The following ARHGEF12 variants were observed in gnomAD, a reference collection of about 807,000 sequenced individuals.
ARHGEF12 encodes the protein Rho guanine nucleotide exchange factor 12, also known as KMT2A/ARHGEF12 fusion protein.
Under a neutral mutation model 211.2 loss-of-function variants are expected in ARHGEF12, and 66 were observed. The ratio of observed to expected loss-of-function variants is 0.31; its 90% CI spans 0.26 to 0.38. ARHGEF12 has a LOEUF of 0.38. ARHGEF12 is among the 10% of genes least tolerant of loss of function. ARHGEF12 has a pLI of 1.00. For missense variants in ARHGEF12, 1,429 were observed against 1,869.5 expected (o/e 0.76, Z 4.34); for synonymous variants, 592 against 638.4 (o/e 0.93, Z 1.09).
chr11:120,340,222 C>A (rs1226627421), intron 1 of ARHGEF12, among the ~76,000 whole-genome samples: 1 of 152,128 alleles, frequency 6.6e-6, no homozygotes, highest in Non-Finnish European at 1.5e-5. Flanking sequence ...ATTTAGGGGT[C>A]CTATAGCAAT....
At chr11:120,345,394 G>A (rs556714610) in intron 1 of ARHGEF12, among the ~76,000 whole-genome samples, 44 of 152,232 alleles carry the variant, frequency 2.9e-4, no homozygotes, top group African/African-American at 1.0e-3. Context: ...ACCTGAAAGT[G>A]AGCAAACTGA....
intron 22 of ARHGEF12, among the ~76,000 whole-genome samples, chr11:120,453,063 CA>C (rs1271435084): frequency 2.0e-5 from 3 of 151,022 alleles, no homozygotes; most frequent in Non-Finnish European, 4.4e-5. Context: ...TATTGAGGAA[CA>C]AGAAGGCCAT....
At chr11:120,379,118 A>C (rs986832099) in intron 1 of ARHGEF12, among the ~76,000 whole-genome samples, 2 of 152,130 alleles carry the variant, frequency 1.3e-5, no homozygotes, top group Admixed American at 1.3e-4. Context: ...AGTCTTCTTT[A>C]ATTTCTCTAT....
intron 36 of ARHGEF12, chr11:120,477,748 C>T: frequency 2.3e-6 from 1 of 437,576 alleles, no homozygotes; most frequent in East Asian, 3.7e-5. Context: ...TGCCTGTAAT[C>T]CCAGCTACTT....
intron 1 of ARHGEF12, among the ~76,000 whole-genome samples, chr11:120,351,364 AGG>A (rs1353364457): frequency 1.6e-5 from 2 of 122,088 alleles, no homozygotes; most frequent in Non-Finnish European, 3.5e-5. Flanking sequence ...AAAAAAAAAA[AGG>A]TGAAATTTAG....
chr11:120,429,348 G>T (rs928511449), intron 8 of ARHGEF12, 92 bp from the exon 9 acceptor site: 3 of 1,036,740 alleles, frequency 2.9e-6, no homozygotes, highest in Non-Finnish European at 4.3e-6. Flanking sequence ...TGGAGCCGAG[G>T]CAGAACTTTG....
chr11:120,421,902 A>G lies in ARHGEF12; in HGVS notation c.348+50A>G, dbSNP rs769413993. On this transcript the variant is annotated intron_variant, in intron 6 of 40. Transcript: ENST00000397843. ...TTACGGTAGGATTAAAAAACAACAT[A>G]TATTGGTCATATTCTGATTTTTTTC... The G allele has an allele frequency of 1.2e-5, 16 of 1,381,506 alleles. No homozygotes were observed. In the African/African-American group the frequency reaches 1.7e-4, roughly 15 times the overall value. 85.6% of individuals were successfully genotyped at this position (1,381,506 alleles called of 1,614,324 possible).
intron 1 of ARHGEF12, among the ~76,000 whole-genome samples, chr11:120,392,929 G>C (rs961471389): frequency 1.6e-4 from 25 of 152,314 alleles, no homozygotes; most frequent in African/African-American, 6.0e-4. Flanking sequence ...GCCCATCACT[G>C]TTGCTACAGA....
chr11:120,484,720 C>CA (rs1947353721), intron 40 of ARHGEF12, among the ~76,000 whole-genome samples: 1 of 152,210 alleles, frequency 6.6e-6, no homozygotes, highest in African/African-American at 2.4e-5. Context: ...GTTCCCATAC[C>CA]ATCCCCTCTT....
In ARHGEF12 at chr11:120,337,002, T is replaced by A. The variant is rs896305556; in HGVS notation, c.-242T>A. 7.5e-6 allele frequency: 4 copies of A among 530,554 alleles called. No individual in the cohort carries two copies. In the African/African-American group the frequency reaches 7.8e-5, roughly 10 times the overall value. 32.9% of individuals were successfully genotyped at this position (530,554 alleles called of 1,614,324 possible). A position where few individuals can be genotyped will look rare whatever the true frequency, so the allele number is the denominator to read the frequency against. ...CTGGAGGATTTCTCTCTAGCTCGAC[T>A]CACTCTGGACTGACTCGCTCCCTGG... On this transcript the variant is annotated 5_prime_UTR_variant, in exon 1 of 41. Transcript: ENST00000397843.
At chr11:120,476,270 C>CTAAAA (rs1947026427) in intron 33 of ARHGEF12, 1 of 157,048 alleles carries the variant, frequency 6.4e-6, no homozygotes, top group African/African-American at 2.4e-5. Flanking sequence ...CAGGGTTTCG[C>CTAAAA]CATGCTGCCC....
intron 10 of ARHGEF12, among the ~76,000 whole-genome samples, chr11:120,430,157 A>G (rs1945482395): frequency 6.6e-6 from 1 of 152,004 alleles, no homozygotes; most frequent in South Asian, 2.1e-4. Context: ...CTGCCATCTT[A>G]AAACAGAATG....
At chr11:120,426,330 C>G (rs1945345819) in intron 7 of ARHGEF12, among the ~76,000 whole-genome samples, 1 of 152,078 alleles carries the variant, frequency 6.6e-6, no homozygotes, top group African/African-American at 2.4e-5. Context: ...GGGATTCTAG[C>G]AATAAATTAC....
At chr11:120,479,854 T>TA in intron 37 of ARHGEF12, 106 bp from the exon 38 acceptor site, 1 of 868,344 alleles carries the variant, frequency 1.2e-6, no homozygotes. Flanking sequence ...CATTAAAAGA[T>TA]ACTTTTTAAA....
chr11:120,387,645 A>G (rs1233642833), intron 1 of ARHGEF12, among the ~76,000 whole-genome samples: 1 of 152,130 alleles, frequency 6.6e-6, no homozygotes, highest in Non-Finnish European at 1.5e-5. Context: ...CCCATACAAA[A>G]TTATTGGTAG....
intron 1 of ARHGEF12, among the ~76,000 whole-genome samples, chr11:120,405,448 C>T (rs527677567): frequency 6.6e-6 from 1 of 152,080 alleles, no homozygotes; most frequent in Non-Finnish European, 1.5e-5. Flanking sequence ...TAGGACCCCC[C>T]CAGAAAAACA....
intron 1 of ARHGEF12, among the ~76,000 whole-genome samples, chr11:120,392,313 A>G (rs11217853): frequency 0.16 from 24,142 of 152,180 alleles, 2,613 homozygotes; most frequent in Non-Finnish European, 0.23. Flanking sequence ...TGAATAAACT[A>G]AATTAATGTA....
chr11:120,410,459 C>T (rs1944849235), intron 4 of ARHGEF12: 1 of 151,876 alleles, frequency 6.6e-6, no homozygotes, highest in Non-Finnish European at 1.5e-5. Flanking sequence ...TTAATAGAGC[C>T]ACAAATCTAT....
At position 120,447,808 on chromosome 11, in the gene ARHGEF12, T is replaced by C; in HGVS notation, c.1590-66T>C. 4 of 1,175,536 alleles carry C rather than the reference T, an allele frequency of 3.4e-6. No individual in the cohort carries two copies. In the South Asian group the frequency reaches 5.8e-5, roughly 17 times the overall value. 72.8% of individuals were successfully genotyped at this position (1,175,536 alleles called of 1,614,324 possible). ...TCCAGCCTGGGTGGCAGAGTGAGAC[T>C]CTGTCTCAAAAAAATTAATTAAACT... On this transcript the variant is annotated intron_variant, in intron 18 of 40. Coordinates refer to ENST00000397843, the MANE Select transcript of ARHGEF12 (RefSeq NM_015313.3).
Sources: allele counts gnomAD v4.1 joint callset (sites outside exome capture counted in the v4.1 genomes callset), GRCh38; gene constraint gnomAD v4.1.1; transcripts MANE v1.5; gene names NCBI Gene and HGNC (gene_info 2026-07-23, HGNC 2026-07-21).